The following CDC40 variants were observed in gnomAD, a reference collection of about 807,000 sequenced individuals.
CDC40 encodes cell division cycle 40.
In CDC40, 27 loss-of-function variants were observed where a neutral mutation model predicts 80.6. The observed-to-expected ratio is 0.33, with a 90% CI of 0.25 to 0.46. CDC40 has a LOEUF of 0.46. Ranked by LOEUF, CDC40 falls within the 20% of genes least tolerant of loss-of-function variation. CDC40 has a pLI of 1.00. For synonymous variants in CDC40, 221 were observed against 232.6 expected, an observed-to-expected ratio of 0.95 and a Z score of 0.45; for missense variants, 486 against 694.1, an observed-to-expected ratio of 0.70 and a Z score of 3.37.
chr6:110,216,040 CA>C (rs1244193950), intron 9 of CDC40, among the ~76,000 whole-genome samples: 1 of 151,956 alleles, frequency 6.6e-6, no homozygotes, highest in Non-Finnish European at 1.5e-5. Flanking sequence ...TTAGATACAC[CA>C]AATTTGAGCT....
At chr6:110,191,390 G>A (rs1406401898) in intron 1 of CDC40, among the ~76,000 whole-genome samples, 1 of 152,190 alleles carries the variant, frequency 6.6e-6, no homozygotes, top group African/African-American at 2.4e-5. Flanking sequence ...TGAACAAGAG[G>A]CCAGCAGATT....
rs1777239975 is a variant in CDC40 at position 110,184,478 on chromosome 6, T to A, written c.189+3845T>A. 2.6e-5 allele frequency among the ~76,000 whole-genome samples: 4 copies of A among 151,886 alleles called. No individual in the cohort carries two copies. In the South Asian group the frequency reaches 8.3e-4, roughly 32 times the overall value. ...TATTTCTCGGTGGATCTTATTTTTA[T>A]GCTGTTAATAAACAGTATTGTATTT... On this transcript the variant is annotated intron_variant, in intron 1 of 14. Coordinates refer to ENST00000307731, the MANE Select transcript of CDC40 (RefSeq NM_015891.3).
At chr6:110,189,519 T>G (rs1201287488) in intron 1 of CDC40, among the ~76,000 whole-genome samples, 1 of 152,190 alleles carries the variant, frequency 6.6e-6, no homozygotes, top group Admixed American at 6.5e-5. Flanking sequence ...TCCCAACACC[T>G]CCAAACATCT....
chr6:110,222,386 G>A (rs112529441), intron 12 of CDC40, among the ~76,000 whole-genome samples: 18,560 of 151,966 alleles, frequency 0.12, 1,156 homozygotes, highest in South Asian at 0.19. Context: ...GTAAAACCCC[G>A]TCTGTACTAA....
At chr6:110,187,565 C>T (rs779324193) in intron 1 of CDC40, among the ~76,000 whole-genome samples, 4 of 151,996 alleles carry the variant, frequency 2.6e-5, no homozygotes, top group Non-Finnish European at 5.9e-5. Context: ...CACCTAAATT[C>T]TTCTATTAGG....
intron 1 of CDC40, among the ~76,000 whole-genome samples, chr6:110,184,640 C>T (rs1777241815): frequency 6.6e-6 from 1 of 151,206 alleles, no homozygotes; most frequent in South Asian, 2.1e-4. Context: ...CTTGCCTTGC[C>T]ATGCTTACTA....
At chr6:110,229,848 ATTTTT>A in intron 14 of CDC40, 101 bp from the exon 15 acceptor site, 2 of 579,028 alleles carry the variant, frequency 3.5e-6, no homozygotes. Context: ...TTTGCATTGG[ATTTTT>A]TTTTTAATGT....
In CDC40 at chr6:110,230,038, T is replaced by C. The variant is rs1200438865; in HGVS notation, c.1647T>C (p.His549=). 2 of 1,611,640 alleles carry C rather than the reference T, an allele frequency of 1.2e-6. No homozygotes were observed. Among genetic ancestry groups the C allele is most frequent in the African/African-American group, 2.7e-5 (2 of 74,882 alleles). Residue 549 remains histidine, a synonymous_variant, in exon 15 of 15, where the codon CAT becomes CAC. Transcript: ENST00000307731. The part of the protein sequence containing the change: ...TTKLYSRFKA[H]DKVCIGAVWH... ...AACTCTACAGTCGATTTAAAGCTCA[T>C]GATAAAGTGTGTATAGGTGCAGTGT...
chr6:110,189,015 A>G (rs781041391), intron 1 of CDC40, among the ~76,000 whole-genome samples: 34 of 152,234 alleles, frequency 2.2e-4, no homozygotes, highest in Non-Finnish European at 4.0e-4. Flanking sequence ...GCTTGCAACT[A>G]AGAACCCTGA....
intron 7 of CDC40, 27 bp from the exon 8 acceptor site, chr6:110,213,059 G>T (rs1777656370): frequency 6.9e-7 from 1 of 1,450,570 alleles, no homozygotes; most frequent in Non-Finnish European, 9.7e-7. Flanking sequence ...AATGCTTCTG[G>T]TTGATAACTG....
intron 9 of CDC40, 139 bp from the exon 10 acceptor site, chr6:110,217,563 G>C (rs1229846981): frequency 1.6e-6 from 1 of 611,022 alleles, no homozygotes; most frequent in Non-Finnish European, 3.0e-6. Context: ...CAGTAAATCA[G>C]GCGGTGGCAT....
chr6:110,217,428 A>G (rs962696454), intron 9 of CDC40, among the ~76,000 whole-genome samples: 2 of 152,226 alleles, frequency 1.3e-5, no homozygotes, highest in Non-Finnish European at 2.9e-5. Context: ...CAGACTTAAA[A>G]GAAAAGTTAA....
intron 1 of CDC40, among the ~76,000 whole-genome samples, chr6:110,191,307 C>T (rs1777346180): frequency 6.6e-6 from 1 of 152,138 alleles, no homozygotes; most frequent in African/African-American, 2.4e-5. Flanking sequence ...TTCATGAAAT[C>T]CCACCTATTT....
chr6:110,217,510 A>G (rs1335241869), intron 9 of CDC40, among the ~76,000 whole-genome samples, 192 bp from the exon 10 acceptor site: 1 of 152,000 alleles, frequency 6.6e-6, no homozygotes, highest in East Asian at 1.9e-4. Context: ...CAAGGGGAAA[A>G]AAACGCCCAC....
chr6:110,216,072 AAAAT>A (rs1372523250), intron 9 of CDC40, among the ~76,000 whole-genome samples: 1 of 152,168 alleles, frequency 6.6e-6, no homozygotes, highest in African/African-American at 2.4e-5. Flanking sequence ...TATTGAGGTA[AAAAT>A]GTTCAGTAAG....
chr6:110,206,523 C>A (rs1339168940), intron 3 of CDC40, among the ~76,000 whole-genome samples: 3 of 152,162 alleles, frequency 2.0e-5, no homozygotes, highest in Admixed American at 6.5e-5. Context: ...TCCTTAAATT[C>A]CCATGGACCA....
intron 1 of CDC40, among the ~76,000 whole-genome samples, chr6:110,185,483 C>T (rs1042714222): frequency 6.6e-6 from 1 of 151,964 alleles, no homozygotes; most frequent in Non-Finnish European, 1.5e-5. Flanking sequence ...ACCTCGTGAT[C>T]CGCCCGCCTC....
intron 13 of CDC40, among the ~76,000 whole-genome samples, chr6:110,227,009 TAA>T (rs949659527): frequency 6.8e-6 from 1 of 146,016 alleles, no homozygotes; most frequent in African/African-American, 2.5e-5. Context: ...CCCTTCTCTC[TAA>T]AAAAAAAAAT....
intron 12 of CDC40, among the ~76,000 whole-genome samples, chr6:110,220,730 C>T (rs996445684): frequency 9.2e-5 from 14 of 152,208 alleles, no homozygotes; most frequent in East Asian, 1.9e-4. Context: ...CAGGCGTGAG[C>T]CACTGCACCC....
Sources: gnomAD v4.1 joint callset for allele counts (sites outside exome capture counted in the v4.1 genomes callset) on GRCh38, gnomAD v4.1.1 for gene constraint, MANE v1.5 for transcripts, NCBI Gene and HGNC (gene_info 2026-07-23, HGNC 2026-07-21) for gene names.